ADGRA3: variants seen among roughly 807,000 people sequenced by gnomAD.
ADGRA3 encodes G-protein coupled receptor 125.
Under a neutral mutation model 119.8 loss-of-function variants are expected in ADGRA3, and 56 were observed. The observed-to-expected ratio is 0.47, with a 90% CI of 0.38 to 0.58. ADGRA3 has a LOEUF of 0.58. Ranked by LOEUF, ADGRA3 falls within the 20% of genes least tolerant of loss-of-function variation. The probability of loss-of-function intolerance (pLI) is 0.00; values close to 1 mark genes in which losing one functional copy is unlikely to be tolerated. For missense variants in ADGRA3, 1,516 were observed against 1,649.0 expected, an observed-to-expected ratio of 0.92 and a Z score of 1.40; for synonymous variants, 607 against 623.8, an observed-to-expected ratio of 0.97 and a Z score of 0.40.
intron 8 of ADGRA3, among the ~76,000 whole-genome samples, chr4:22,437,132 T>C (rs1273202466): frequency 6.6e-6 from 1 of 152,220 alleles, no homozygotes; most frequent in African/African-American, 2.4e-5. Context: ...GATTATTTGA[T>C]AAAAGATGTT....
At chr4:22,480,778 T>G (rs1718235579) in intron 1 of ADGRA3, among the ~76,000 whole-genome samples, 1 of 152,192 alleles carries the variant, frequency 6.6e-6, no homozygotes, top group Admixed American at 6.5e-5. Context: ...AATTCTTTTG[T>G]CTATCTACAA....
At chr4:22,455,808 C>T in intron 3 of ADGRA3, 2 of 1,288,298 alleles carry the variant, frequency 1.6e-6, no homozygotes, top group East Asian at 5.5e-5. Context: ...CTGTAACTTA[C>T]ACCTGGCATG....
Position 22,411,397 on chromosome 4 carries a change from A to AAG in ADGRA3, c.2232+1783_2232+1784dup, listed in dbSNP as rs144794777. Among the ~76,000 whole-genome samples the AAG allele has an allele frequency of 5.8e-3, 884 of 152,220 alleles. 14 individuals carry two copies. The highest frequency in any genetic ancestry group is 0.045 in the East Asian group (232 of 5,164). ...GCAGATCACTTGAGTCCAGGAGATC[A>AAG]AGACCAGCCTGGGAAACATGGCAAA... On this transcript the variant is annotated intron_variant, in intron 14 of 18. Coordinates refer to ENST00000334304, the MANE Select transcript of ADGRA3 (RefSeq NM_145290.4).
chr4:22,455,136 G>A (rs1202216157), intron 3 of ADGRA3, among the ~76,000 whole-genome samples, 199 bp from the exon 4 acceptor site: 1 of 152,156 alleles, frequency 6.6e-6, no homozygotes, highest in African/African-American at 2.4e-5. Context: ...CTGCTGGCAC[G>A]CACAGACTCA....
chr4:22,448,269 C>T (rs2109082005), intron 4 of ADGRA3, among the ~76,000 whole-genome samples: 1 of 152,292 alleles, frequency 6.6e-6, no homozygotes, highest in Admixed American at 6.5e-5. Context: ...CAGTAACATG[C>T]TGGAATATAA....
intron 3 of ADGRA3, 149 bp downstream of exon 3, chr4:22,461,588 C>CTGTG (rs1289719991): frequency 3.7e-6 from 2 of 543,776 alleles, no homozygotes; most frequent in Non-Finnish European, 6.6e-6. Context: ...GCGTGAGCCA[C>CTGTG]TGTGCCCAGC....
At chr4:22,468,365 G>C (rs1420397949) in intron 2 of ADGRA3, among the ~76,000 whole-genome samples, 1 of 152,206 alleles carries the variant, frequency 6.6e-6, no homozygotes, top group African/African-American at 2.4e-5. Flanking sequence ...ACACTGACCA[G>C]TAGGCAACTG....
At chr4:22,412,705 T>C (rs577097528) in intron 14 of ADGRA3, among the ~76,000 whole-genome samples, 1 of 152,212 alleles carries the variant, frequency 6.6e-6, no homozygotes, top group Non-Finnish European at 1.5e-5. Context: ...GTGTCAATAC[T>C]GTCACTTGCA....
chr4:22,454,806 A>C, intron 4 of ADGRA3, 60 bp downstream of exon 4: 1 of 1,220,984 alleles, frequency 8.2e-7, no homozygotes, highest in Non-Finnish European at 1.2e-6. Flanking sequence ...TTTCATACAT[A>C]TTTAGGTACT....
intron 4 of ADGRA3, among the ~76,000 whole-genome samples, chr4:22,453,701 G>T (rs927728365): frequency 3.9e-5 from 6 of 152,112 alleles, no homozygotes; most frequent in African/African-American, 1.4e-4. Flanking sequence ...ATGATTTCAT[G>T]CCATTTTCCA....
intron 1 of ADGRA3, among the ~76,000 whole-genome samples, chr4:22,503,411 T>C (rs889401078): frequency 1.3e-5 from 2 of 152,198 alleles, no homozygotes; most frequent in East Asian, 1.9e-4. Context: ...CTTATCTTGA[T>C]GGGAAATGAA....
At chr4:22,498,960 A>G (rs1301072161) in intron 1 of ADGRA3, among the ~76,000 whole-genome samples, 1 of 152,148 alleles carries the variant, frequency 6.6e-6, no homozygotes, top group African/African-American at 2.4e-5. Flanking sequence ...CAGTTAACAA[A>G]AAGACAGCTC....
chr4:22,483,611 G>A (rs537307936), intron 1 of ADGRA3, among the ~76,000 whole-genome samples: 1 of 152,172 alleles, frequency 6.6e-6, no homozygotes, highest in Non-Finnish European at 1.5e-5. Context: ...AAAACTGATA[G>A]CAAAAGAATC....
chr4:22,389,833 CTG>C (rs1378882390), intron 17 of ADGRA3, among the ~76,000 whole-genome samples: 1 of 152,156 alleles, frequency 6.6e-6, no homozygotes, highest in African/African-American at 2.4e-5. Context: ...AAGAAAAACT[CTG>C]TGCTCATCTC....
chr4:22,467,189 G>A (rs1326407291), intron 2 of ADGRA3, among the ~76,000 whole-genome samples: 2 of 152,188 alleles, frequency 1.3e-5, no homozygotes, highest in Admixed American at 1.3e-4. Flanking sequence ...TGTTGAACTG[G>A]GTAAGTAAAT....
intron 14 of ADGRA3, among the ~76,000 whole-genome samples, chr4:22,403,854 T>C (rs543107257): frequency 5.7e-4 from 87 of 152,348 alleles, no homozygotes; most frequent in African/African-American, 2.0e-3. Context: ...ACCATAACTG[T>C]ATGAGGTAAG....
At chr4:22,423,166 G>A (rs1268845761) in intron 11 of ADGRA3, among the ~76,000 whole-genome samples, 1 of 151,884 alleles carries the variant, frequency 6.6e-6, no homozygotes, top group Non-Finnish European at 1.5e-5. Context: ...CTGCACTCCA[G>A]CCCGGGTGAC....
intron 1 of ADGRA3, among the ~76,000 whole-genome samples, chr4:22,479,753 C>T (rs2109131572): frequency 6.6e-6 from 1 of 152,194 alleles, no homozygotes; most frequent in South Asian, 2.1e-4. Flanking sequence ...ACCCAAATGC[C>T]CATCAATGAT....
chr4:22,444,860 G>A (rs2109076910), intron 6 of ADGRA3, 113 bp downstream of exon 6: 1 of 985,520 alleles, frequency 1.0e-6, no homozygotes, highest in East Asian at 2.5e-5. Context: ...AATGATTACT[G>A]GCTGCATACT....
Sources: allele counts gnomAD v4.1 joint callset (sites outside exome capture counted in the v4.1 genomes callset), GRCh38; gene constraint gnomAD v4.1.1; transcripts MANE v1.5; gene names NCBI Gene and HGNC (gene_info 2026-07-23, HGNC 2026-07-21).